The following SCUBE1 variants were observed in gnomAD, a reference collection of about 807,000 sequenced individuals.
SCUBE1 encodes the protein signal peptide, CUB and EGF-like domain-containing protein 1.
Under a neutral mutation model 124.4 loss-of-function variants are expected in SCUBE1, and 59 were observed. The observed-to-expected ratio is 0.47, with a 90% CI of 0.38 to 0.59. The LOEUF (loss-of-function observed/expected upper bound fraction) is 0.59, where lower values mean the gene tolerates loss of function less well. Among genes scored for constraint, SCUBE1 ranks in the 20% least tolerant of loss-of-function variants. SCUBE1 has a pLI of 0.00. For synonymous variants in SCUBE1, 545 were observed against 550.9 expected, an observed-to-expected ratio of 0.99 and a Z score of 0.15; for missense variants, 1,150 against 1,371.2, an observed-to-expected ratio of 0.84 and a Z score of 2.55.
chr22:43,271,016 C>G (rs911425042), intron 4 of SCUBE1, among the ~76,000 whole-genome samples: 1 of 152,208 alleles, frequency 6.6e-6, no homozygotes. Context: ...ACAACCCCCG[C>G]TCCCTTCCCA....
At chr22:43,215,605 C>T (rs1569497214) in intron 15 of SCUBE1, among the ~76,000 whole-genome samples, 1 of 152,196 alleles carries the variant, frequency 6.6e-6, no homozygotes, top group East Asian at 1.9e-4. Context: ...AGGATTAGGC[C>T]TCGAAGCTGA....
intron 3 of SCUBE1, among the ~76,000 whole-genome samples, chr22:43,305,167 T>G (rs1025013192): frequency 1.4e-4 from 22 of 152,132 alleles, no homozygotes; most frequent in African/African-American, 4.8e-4. Context: ...CACATAAACC[T>G]CAATGGGTGA....
At position 43,325,232 on chromosome 22, in the gene SCUBE1, G is replaced by T. The variant is rs143311931; in HGVS notation, c.221-5167C>A. On this transcript the variant is annotated intron_variant, in intron 2 of 21. Transcript: ENST00000360835. The stretch of plus-strand genomic sequence containing the variant: ...GCATTCAAGTGCAGGCTCTATTCCC[G>T]CATTTGGAGCCACATCCTTGGGGTG... Among the ~76,000 whole-genome samples, 739 of 151,920 alleles carry T rather than the reference G, an allele frequency of 4.9e-3. 6 individuals are homozygous for T. Among genetic ancestry groups the T allele is most frequent in the African/African-American group, 0.016 (673 of 41,392 alleles).
chr22:43,232,688 C>T (rs935151247), intron 7 of SCUBE1, among the ~76,000 whole-genome samples: 1 of 152,242 alleles, frequency 6.6e-6, no homozygotes, highest in Non-Finnish European at 1.5e-5. Context: ...TCCTGAGCAA[C>T]TCTGCCAGTC....
Position 43,210,262 on chromosome 22 carries a change from G to T in SCUBE1, c.2384-22C>A. The T allele has an allele frequency of 6.7e-7, 1 of 1,495,842 alleles. No homozygotes were observed. The highest frequency in any genetic ancestry group is 1.3e-5 in the South Asian group (1 of 75,872). 92.7% of individuals were successfully genotyped at this position (1,495,842 alleles called of 1,614,324 possible). On this transcript the variant is annotated intron_variant, in intron 18 of 21. Coordinates refer to ENST00000360835, the MANE Select transcript of SCUBE1 (RefSeq NM_173050.5). The surrounding 1 kb of genome is among the most constrained non-coding windows in gnomAD (Gnocchi z 4.5). The stretch of plus-strand genomic sequence containing the variant: ...TGGTCTGTGGGCACAGTGGCCCGAG[G>T]GCCTCATCAGGCTCTGCTGGGCAGG...
chr22:43,236,022 C>A (rs1343500518), intron 7 of SCUBE1, among the ~76,000 whole-genome samples: 1 of 152,198 alleles, frequency 6.6e-6, no homozygotes, highest in East Asian at 1.9e-4. Flanking sequence ...CCTGGGTTGT[C>A]CAAGCCCGCT....
intron 8 of SCUBE1, among the ~76,000 whole-genome samples, chr22:43,229,733 T>C (rs537492120): frequency 1.3e-5 from 2 of 152,196 alleles, no homozygotes; most frequent in South Asian, 2.1e-4. Flanking sequence ...GGAGCTCTGA[T>C]AGAATGTGAA....
chr22:43,207,668 C>T, intron 20 of SCUBE1, 55 bp from the exon 21 acceptor site: 1 of 1,373,746 alleles, frequency 7.3e-7, no homozygotes, highest in East Asian at 2.3e-5. Context: ...GGCCCACGTG[C>T]TCCCCTTTCA....
intron 2 of SCUBE1, among the ~76,000 whole-genome samples, chr22:43,336,129 C>T (rs762820257): frequency 2.2e-4 from 33 of 152,266 alleles, no homozygotes; most frequent in Admixed American, 1.6e-3. Flanking sequence ...CTATACTGTG[C>T]CTCACTCAAT....
chr22:43,217,861 G>A (rs1921904899), intron 15 of SCUBE1, among the ~76,000 whole-genome samples: 1 of 152,078 alleles, frequency 6.6e-6, no homozygotes, highest in South Asian at 2.1e-4. Context: ...TCTGTCCCCC[G>A]ACCCTGACTC....
At position 43,221,079 on chromosome 22, in the gene SCUBE1, C is replaced by T. The variant is rs950264425; in HGVS notation, c.1549+94G>A. On this transcript the variant is annotated intron_variant, in intron 13 of 21. Coordinates refer to ENST00000360835, the MANE Select transcript of SCUBE1 (RefSeq NM_173050.5). ...TGAGAGAGACCTCCACCCTTGGAAACCAGACTCGCTGGACCCTGGGGCCCC... is the reference window on the plus strand; with the variant it reads ...TGAGAGAGACCTCCACCCTTGGAAATCAGACTCGCTGGACCCTGGGGCCCC... 4 of 848,528 alleles carry T rather than the reference C, an allele frequency of 4.7e-6. No homozygotes were observed. In the Admixed American group the frequency reaches 6.3e-5, roughly 13 times the overall value. The allele number at this position is 848,528 out of a possible 1,614,324, so 52.6% of individuals were successfully genotyped here.
intron 3 of SCUBE1, among the ~76,000 whole-genome samples, chr22:43,317,928 G>A (rs375863270): frequency 1.3e-5 from 2 of 152,172 alleles, no homozygotes. Context: ...CACACATAGA[G>A]CTGAGACAAT....
chr22:43,320,127 C>T, intron 2 of SCUBE1, 62 bp from the exon 3 acceptor site: 1 of 1,596,870 alleles, frequency 6.3e-7, no homozygotes, highest in Middle Eastern at 1.7e-4. Flanking sequence ...TCTCCCAACA[C>T]CATGGAAGCC....
intron 3 of SCUBE1, among the ~76,000 whole-genome samples, chr22:43,292,037 C>T (rs1472251698): frequency 6.6e-6 from 1 of 152,164 alleles, no homozygotes; most frequent in African/African-American, 2.4e-5. Flanking sequence ...CTGTCCCCAA[C>T]ACATGGAGCT....
intron 5 of SCUBE1, among the ~76,000 whole-genome samples, chr22:43,262,097 G>T (rs1923892502): frequency 6.6e-6 from 1 of 152,238 alleles, no homozygotes; most frequent in South Asian, 2.1e-4. Flanking sequence ...GCCTCATTCA[G>T]CCCAGATCTC....
At chr22:43,270,201 G>T (rs929002697) in intron 4 of SCUBE1, 1 of 152,212 alleles carries the variant, frequency 6.6e-6, no homozygotes, top group African/African-American at 2.4e-5. Context: ...TCAGGTATGT[G>T]TACAAGGAGT....
intron 6 of SCUBE1, among the ~76,000 whole-genome samples, chr22:43,250,492 C>T (rs1355315106): frequency 1.3e-5 from 2 of 152,206 alleles, no homozygotes; most frequent in African/African-American, 4.8e-5. Context: ...TAAGCATCGC[C>T]AAGCACTCAC....
intron 3 of SCUBE1, among the ~76,000 whole-genome samples, chr22:43,311,530 C>T (rs901614669): frequency 2.0e-5 from 3 of 151,478 alleles, no homozygotes; most frequent in African/African-American, 7.3e-5. Flanking sequence ...AAGTGATTCT[C>T]CTGCCTCAGC....
intron 2 of SCUBE1, among the ~76,000 whole-genome samples, chr22:43,321,065 G>A (rs750747166): frequency 6.6e-6 from 1 of 152,232 alleles, no homozygotes; most frequent in African/African-American, 2.4e-5. Context: ...ACGATGGGGA[G>A]AGAGGAGGGC....
Sources: gnomAD v4.1 joint callset for allele counts (sites outside exome capture counted in the v4.1 genomes callset) on GRCh38, gnomAD v4.1.1 for gene constraint, Gnocchi (gnomAD v3.1) non-coding constraint, MANE v1.5 for transcripts, NCBI Gene and HGNC (gene_info 2026-07-23, HGNC 2026-07-21) for gene names.